SCAF8: variants seen among roughly 807,000 people sequenced by gnomAD.
SCAF8 encodes the protein SR-related and CTD-associated factor 8.
Under a neutral mutation model 140.5 loss-of-function variants are expected in SCAF8, and 23 were observed. The ratio of observed to expected loss-of-function variants is 0.16; its 90% CI spans 0.12 to 0.23. The LOEUF is 0.23. SCAF8 is among the 10% of genes least tolerant of loss of function. The pLI, the probability that SCAF8 is intolerant of heterozygous loss-of-function variation, is 1.00. For synonymous variants in SCAF8, 575 were observed against 528.9 expected, an observed-to-expected ratio of 1.09 and a Z score of -1.20; for missense variants, 1,397 against 1,555.7, an observed-to-expected ratio of 0.90 and a Z score of 1.72.
chr6:154,812,292 CTTT>C (rs759236847), intron 12 of SCAF8, among the ~76,000 whole-genome samples: 9 of 38,794 alleles, frequency 2.3e-4, no homozygotes, highest in Non-Finnish European at 2.9e-4. Context: ...TCTATGTCAG[CTTT>C]TTTTTTTTTT....
intron 15 of SCAF8, among the ~76,000 whole-genome samples, chr6:154,821,336 A>G (rs1174643933): frequency 6.6e-6 from 1 of 150,682 alleles, no homozygotes; most frequent in African/African-American, 2.4e-5. Flanking sequence ...TTGTTTTCCT[A>G]TTCTGTTTTA....
chr6:154,800,266 G>A (rs962977402), intron 6 of SCAF8, among the ~76,000 whole-genome samples: 1 of 151,290 alleles, frequency 6.6e-6, no homozygotes, highest in African/African-American at 2.4e-5. Flanking sequence ...AATTTTTTGT[G>A]GTTGTTGACA....
At chr6:154,756,240 A>G (rs557507305) in intron 1 of SCAF8, among the ~76,000 whole-genome samples, 8 of 152,330 alleles carry the variant, frequency 5.3e-5, no homozygotes, top group African/African-American at 1.2e-4. Context: ...TCCGTCACCA[A>G]TAGTTAAGTT....
intron 1 of SCAF8, among the ~76,000 whole-genome samples, chr6:154,735,402 T>C (rs73793006): frequency 0.061 from 9,260 of 152,212 alleles, 809 homozygotes; most frequent in African/African-American, 0.2. Flanking sequence ...GTAGATAATA[T>C]TTGGGCTATT....
rs112740282 is a variant in SCAF8 at position 154,734,002 on chromosome 6, A to C, written c.30+72A>C. 15 of 1,442,668 alleles carry C rather than the reference A, an allele frequency of 1.0e-5. No homozygotes were observed. In the African/African-American group the frequency reaches 1.5e-4, roughly 14 times the overall value. 89.4% of individuals were successfully genotyped at this position (1,442,668 alleles called of 1,614,324 possible). A position where few individuals can be genotyped will look rare whatever the true frequency, so the allele number is the denominator to read the frequency against. ...ACCCCTGGTCGAGGCCGGGGCCCGG[A>C]GGGTGGGCGCGGGCCTGCGGGTTTT... On this transcript the variant is annotated intron_variant, in intron 1 of 19. Coordinates refer to ENST00000367178, the MANE Select transcript of SCAF8 (RefSeq NM_014892.5).
intron 1 of SCAF8, chr6:154,742,003 G>T: frequency 6.5e-7 from 1 of 1,532,996 alleles, no homozygotes; most frequent in South Asian, 1.2e-5. Context: ...CCAGCAGCAT[G>T]GACACAAGAA....
At chr6:154,766,467 C>G (rs1205439223) in intron 1 of SCAF8, among the ~76,000 whole-genome samples, 3 of 152,048 alleles carry the variant, frequency 2.0e-5, no homozygotes, top group Non-Finnish European at 2.9e-5. Flanking sequence ...TAATTGTAAC[C>G]CTTCTGCCAG....
At chr6:154,813,018 G>GT (rs1251786251) in intron 12 of SCAF8, among the ~76,000 whole-genome samples, 9 of 147,148 alleles carry the variant, frequency 6.1e-5, no homozygotes, top group African/African-American at 2.3e-4. Flanking sequence ...GAGCAACAAA[G>GT]TGAGATGCCA....
intron 5 of SCAF8, among the ~76,000 whole-genome samples, chr6:154,794,778 GGGGTGTGT>G (rs1361241582): frequency 0.023 from 1,602 of 68,506 alleles, 160 homozygotes; most frequent in Non-Finnish European, 0.036. Flanking sequence ...GGGGGTGTGG[GGGGTGTGT>G]GTGTGTGTGT....
At chr6:154,736,081 A>G (rs546185970) in intron 1 of SCAF8, among the ~76,000 whole-genome samples, 7 of 151,758 alleles carry the variant, frequency 4.6e-5, no homozygotes, top group Admixed American at 3.3e-4. Flanking sequence ...TCACCTTGGC[A>G]TCCCAAGTGC....
At chr6:154,736,552 G>T (rs555687689) in intron 1 of SCAF8, among the ~76,000 whole-genome samples, 1 of 152,250 alleles carries the variant, frequency 6.6e-6, no homozygotes, top group South Asian at 2.1e-4. Flanking sequence ...GATTACAGGC[G>T]TGAGCCACTG....
Position 154,787,908 on chromosome 6 carries a change from T to C in SCAF8, c.207T>C (p.Ile69=). The change falls in exon 4 of 20, where the codon ATT becomes ATC. Residue 69 remains isoleucine, a synonymous_variant. Coordinates refer to ENST00000367178, the MANE Select transcript of SCAF8 (RefSeq NM_014892.5). ...CTGGACTTTATGTTATTGACTCCATTGTGCGACAATCCCGACATCAGTTTG... is the reference window on the plus strand; with the variant it reads ...CTGGACTTTATGTTATTGACTCCATCGTGCGACAATCCCGACATCAGTTTG... ...KVPGLYVIDS[I]VRQSRHQFGQ... is the part of the protein sequence containing the mutation. The C allele has an allele frequency of 6.2e-7, 1 of 1,613,916 alleles. No homozygotes were observed. The highest frequency in any genetic ancestry group is 8.5e-7 in the Non-Finnish European group (1 of 1,179,816).
chr6:154,805,523 C>A, intron 9 of SCAF8, 37 bp downstream of exon 9: 4 of 1,153,516 alleles, frequency 3.5e-6, no homozygotes, highest in Non-Finnish European at 4.9e-6. Flanking sequence ...AGAGTTATTA[C>A]TATTTATATT....
At chr6:154,752,491 ATTTT>A (rs76544942) in intron 1 of SCAF8, among the ~76,000 whole-genome samples, 2 of 147,880 alleles carry the variant, frequency 1.4e-5, no homozygotes, top group Non-Finnish European at 1.5e-5. Flanking sequence ...GGGAATTTTA[ATTTT>A]TTTTTTTTAT....
chr6:154,785,503 G>A (rs1385172502), intron 3 of SCAF8, among the ~76,000 whole-genome samples: 1 of 152,110 alleles, frequency 6.6e-6, no homozygotes, highest in Non-Finnish European at 1.5e-5. Flanking sequence ...ACTTGGTATT[G>A]TTAGATTTAA....
chr6:154,790,299 C>CA (rs1371485731), intron 4 of SCAF8, among the ~76,000 whole-genome samples: 1 of 151,946 alleles, frequency 6.6e-6, no homozygotes, highest in African/African-American at 2.4e-5. Context: ...GAGAAATAGT[C>CA]AAATCAGAAA....
At chr6:154,786,360 T>C in intron 3 of SCAF8, among the ~76,000 whole-genome samples, 1 of 152,198 alleles carries the variant, frequency 6.6e-6, no homozygotes, top group Non-Finnish European at 1.5e-5. Context: ...GCAAAATATC[T>C]CAAGCACTGA....
intron 3 of SCAF8, among the ~76,000 whole-genome samples, chr6:154,780,557 G>C (rs1417864664): frequency 7.1e-6 from 1 of 141,364 alleles, no homozygotes; most frequent in Non-Finnish European, 1.5e-5. Flanking sequence ...GATGTGTTTT[G>C]TTCCCCTCCC....
intron 1 of SCAF8, among the ~76,000 whole-genome samples, chr6:154,755,829 T>C (rs1210036318): frequency 2.0e-5 from 3 of 152,214 alleles, no homozygotes; most frequent in African/African-American, 7.2e-5. Context: ...CTCAGTGATT[T>C]TGTAGTAGGA....
Sources: gnomAD v4.1 joint callset for allele counts (sites outside exome capture counted in the v4.1 genomes callset) on GRCh38, gnomAD v4.1.1 for gene constraint, MANE v1.5 for transcripts, NCBI Gene and HGNC (gene_info 2026-07-23, HGNC 2026-07-21) for gene names.